The following IMMP2L variants were observed in gnomAD, a reference collection of about 807,000 sequenced individuals.
IMMP2L encodes the protein mitochondrial inner membrane protease subunit 2.
A neutral mutation model predicts 19.3 loss-of-function variants in IMMP2L; 18 were observed. That is an observed-to-expected ratio of 0.93 (90% confidence interval 0.64 to 1.38). The LOEUF is 1.38. Among genes scored for constraint, IMMP2L ranks in the 40% most tolerant of loss-of-function variants. The pLI is 0.00. For missense variants in IMMP2L, 233 were observed against 218.2 expected, an observed-to-expected ratio of 1.07 and a Z score of -0.43; for synonymous variants, 76 against 73.0, an observed-to-expected ratio of 1.04 and a Z score of -0.21.
intron 5 of IMMP2L, among the ~76,000 whole-genome samples, chr7:110,868,219 C>T (rs915822241): frequency 3.4e-5 from 5 of 148,920 alleles, no homozygotes; most frequent in Admixed American, 6.7e-5. Context: ...TAAATCAAGC[C>T]GAGACAAAGA....
rs116400244 is a variant in IMMP2L, at chr7:110,996,547, A to G, written c.240-32982T>C. On this transcript the variant is annotated intron_variant, in intron 3 of 5. Coordinates refer to ENST00000405709, the MANE Select transcript of IMMP2L (RefSeq NM_032549.4). ...AAGAAATAACATCTGGGCTGGGTAG[A>G]CCCTGCCTTGTGATCACTGACTCAG... 2.6e-3 allele frequency among the ~76,000 whole-genome samples: 397 copies of G among 152,168 alleles called. 1 individual carries two copies. The highest frequency in any genetic ancestry group is 9.2e-3 in the African/African-American group (381 of 41,514).
At chr7:110,810,531 C>G (rs112835090) in intron 5 of IMMP2L, among the ~76,000 whole-genome samples, 11 of 152,026 alleles carry the variant, frequency 7.2e-5, no homozygotes, top group African/African-American at 2.4e-4. Context: ...CTTGTCAGTA[C>G]TCTGGTTATG....
At chr7:111,228,966 C>A (rs973042192) in intron 3 of IMMP2L, among the ~76,000 whole-genome samples, 1 of 143,950 alleles carries the variant, frequency 6.9e-6, no homozygotes, top group South Asian at 2.3e-4. Flanking sequence ...ACTAGCAATG[C>A]GTGTGTGTGT....
chr7:111,049,856 T>A (rs897872196), intron 3 of IMMP2L, among the ~76,000 whole-genome samples: 1 of 152,142 alleles, frequency 6.6e-6, no homozygotes, highest in Admixed American at 6.5e-5. Context: ...TTAGGGGAAA[T>A]TAACTGCTGT....
chr7:111,353,270 C>T (rs971249442), intron 3 of IMMP2L, among the ~76,000 whole-genome samples: 2 of 152,102 alleles, frequency 1.3e-5, no homozygotes, highest in African/African-American at 4.8e-5. Context: ...CTATCATTAT[C>T]CCTGGTCTCA....
intron 1 of IMMP2L, among the ~76,000 whole-genome samples, chr7:111,542,717 A>G (rs1437483019): frequency 6.6e-6 from 1 of 152,192 alleles, no homozygotes; most frequent in East Asian, 1.9e-4. Flanking sequence ...CCACTATGTA[A>G]AAGGTAAATG....
chr7:110,715,905 A>G (rs1170039083), intron 5 of IMMP2L, among the ~76,000 whole-genome samples: 2 of 152,034 alleles, frequency 1.3e-5, no homozygotes, highest in African/African-American at 4.8e-5. Flanking sequence ...GTATTTTCCT[A>G]AGTCTAGAAG....
chr7:111,319,701 C>A (rs891515293), intron 3 of IMMP2L, among the ~76,000 whole-genome samples: 1 of 151,886 alleles, frequency 6.6e-6, no homozygotes, highest in Non-Finnish European at 1.5e-5. Flanking sequence ...AGAAAAGAAG[C>A]AATTTAAACC....
At chr7:110,691,261 G>C (rs575501705) in intron 5 of IMMP2L, among the ~76,000 whole-genome samples, 1 of 152,154 alleles carries the variant, frequency 6.6e-6, no homozygotes, top group East Asian at 1.9e-4. Context: ...AAACTGTACA[G>C]TCACCTGTAG....
intron 3 of IMMP2L, among the ~76,000 whole-genome samples, chr7:111,362,358 G>C (rs1829341501): frequency 6.6e-6 from 1 of 151,898 alleles, no homozygotes; most frequent in South Asian, 2.1e-4. Context: ...TTCAAACTAA[G>C]AAATATATGG....
intron 2 of IMMP2L, among the ~76,000 whole-genome samples, chr7:111,504,716 T>C (rs1381090893): frequency 6.6e-6 from 1 of 152,138 alleles, no homozygotes; most frequent in Non-Finnish European, 1.5e-5. Flanking sequence ...AAACAAGCAA[T>C]GGGGAAAGGA....
At chr7:111,228,183 C>T (rs935456241) in intron 3 of IMMP2L, among the ~76,000 whole-genome samples, 1 of 151,944 alleles carries the variant, frequency 6.6e-6, no homozygotes, top group African/African-American at 2.4e-5. Context: ...TAATTCTACT[C>T]CTCTATATTC....
chr7:111,078,867 C>A (rs954096567), intron 3 of IMMP2L, among the ~76,000 whole-genome samples: 3 of 151,998 alleles, frequency 2.0e-5, no homozygotes, highest in African/African-American at 7.2e-5. Context: ...GTAGCTGGGA[C>A]TGCAGGCATG....
intron 4 of IMMP2L, among the ~76,000 whole-genome samples, chr7:110,939,445 T>TA (rs957942721): frequency 1.9e-4 from 27 of 143,536 alleles, no homozygotes; most frequent in Non-Finnish European, 2.5e-4. Context: ...ACACAGGGAA[T>TA]AAAAAAAAAA....
chr7:111,532,050 TAGA>T (rs1242021745), intron 1 of IMMP2L, among the ~76,000 whole-genome samples: 3 of 151,722 alleles, frequency 2.0e-5, no homozygotes, highest in Admixed American at 6.6e-5. Context: ...AATCAAAACT[TAGA>T]AGAAGTGAGA....
At chr7:111,032,639 T>C (rs141095738) in intron 3 of IMMP2L, among the ~76,000 whole-genome samples, 9 of 152,120 alleles carry the variant, frequency 5.9e-5, no homozygotes, top group African/African-American at 2.2e-4. Context: ...CTCACCAGTA[T>C]GGTGAAACCC....
chr7:111,412,463 G>C (rs1012107555), intron 3 of IMMP2L, among the ~76,000 whole-genome samples: 13 of 151,698 alleles, frequency 8.6e-5, no homozygotes, highest in African/African-American at 2.4e-4. Context: ...TCACAAAGGA[G>C]TTAAAACGGA....
intron 3 of IMMP2L, among the ~76,000 whole-genome samples, chr7:111,357,087 C>A (rs966807764): frequency 6.6e-6 from 1 of 152,250 alleles, no homozygotes; most frequent in East Asian, 1.9e-4. Flanking sequence ...TTATAAACTA[C>A]AAACTCATCT....
chr7:111,287,076 T>C (rs1042592156), intron 3 of IMMP2L, among the ~76,000 whole-genome samples: 1 of 152,188 alleles, frequency 6.6e-6, no homozygotes, highest in African/African-American at 2.4e-5. Flanking sequence ...ATCTCTGCAA[T>C]TGATTTTAGA....
Sources: gnomAD v4.1 joint callset for allele counts (sites outside exome capture counted in the v4.1 genomes callset) on GRCh38, gnomAD v4.1.1 for gene constraint, MANE v1.5 for transcripts, NCBI Gene and HGNC (gene_info 2026-07-23, HGNC 2026-07-21) for gene names.